The following ZNF12 variants were observed in gnomAD, a reference collection of about 807,000 sequenced individuals.
ZNF12 encodes the protein zinc finger protein 12.
A neutral mutation model predicts 66.6 loss-of-function variants in ZNF12; 34 were observed. The ratio of observed to expected loss-of-function variants is 0.51; its 90% CI spans 0.39 to 0.68. The LOEUF is 0.68. Among genes scored for constraint, ZNF12 ranks in the 30% least tolerant of loss-of-function variants. The probability of loss-of-function intolerance (pLI) is 0.00; values close to 1 mark genes in which losing one functional copy is unlikely to be tolerated. For synonymous variants in ZNF12, 320 were observed against 278.9 expected (o/e 1.15, Z -1.47); for missense variants, 697 against 826.9 (o/e 0.84, Z 1.93).
chr7:6,704,868 T>C (rs1208106979), intron 2 of ZNF12, among the ~76,000 whole-genome samples: 1 of 151,044 alleles, frequency 6.6e-6, no homozygotes, highest in Non-Finnish European at 1.5e-5. Context: ...AAAACAAAAG[T>C]GATTCTGCTT....
chr7:6,691,893 T>C lies in ZNF12; in HGVS notation c.1049A>G (p.Glu350Gly). The change falls in exon 5 of 5, where the codon GAG (glutamate) becomes GGG (glycine). Residue 350 changes from glutamate (E) to glycine (G), a missense_variant. By Grantham distance (98) the Glu-to-Gly change is moderately conservative (BLOSUM62 -2). Coordinates refer to ENST00000405858, the MANE Select transcript of ZNF12 (RefSeq NM_016265.4). ...ACAATAACTACATTCATAGGGCTTC[T>C]CTCCTGAGTGAGTTCTCTGATGCTG... ...LIQHQRTHSG[E>G]KPYECSYCGK... The C allele has an allele frequency of 6.2e-7, 1 of 1,614,156 alleles. No individual in the cohort carries two copies. The highest frequency in any genetic ancestry group is 8.5e-7 in the Non-Finnish European group (1 of 1,180,030).
intron 2 of ZNF12, among the ~76,000 whole-genome samples, chr7:6,699,043 AAATT>A (rs1403588106): frequency 1.8e-4 from 28 of 152,260 alleles, no homozygotes; most frequent in African/African-American, 6.8e-4. Flanking sequence ...TTAGGACAGA[AAATT>A]AACCATAAAA....
Position 6,698,151 on chromosome 7 carries a change from C to A in ZNF12, c.16-340G>T, listed in dbSNP as rs148146665. On this transcript the variant is annotated intron_variant, in intron 2 of 4. Coordinates refer to ENST00000405858, the MANE Select transcript of ZNF12 (RefSeq NM_016265.4). This position sits in a 1 kb window ranked among gnomAD's most constrained non-coding sequence, Gnocchi z 4.4. The stretch of plus-strand genomic sequence containing the variant: ...CAGAACCCCAGGATGCACTCTGCTT[C>A]TTTGCACATTCTTCAATTTGCTTCT... 1.0e-5 allele frequency: 5 copies of A among 478,376 alleles called. No individual in the cohort carries two copies. Among genetic ancestry groups the A allele is most frequent in the Non-Finnish European group, 1.6e-5 (4 of 250,810 alleles). The allele number at this position is 478,376 out of a possible 1,614,324, so 29.6% of individuals were successfully genotyped here.
rs779761846 is a variant in ZNF12 at position 6,692,170 on chromosome 7, C to T, written c.772G>A (p.Val258Ile). ...IAFLQMSDLT[V>I]HQTSHMEMKP... ...ATTTCCATATGAGATGTCTGATGTA[C>T]AGTGAGGTCCGACATCTGGAGAAAG... is the stretch of plus-strand genomic sequence containing the variant. The change falls in exon 5 of 5, where the codon GTA (valine) becomes ATA (isoleucine). Residue 258 changes from valine to isoleucine, a missense_variant. Transcript: ENST00000405858. The surrounding 1 kb of genome is among the most constrained non-coding windows in gnomAD (Gnocchi z 5.1). The T allele has an allele frequency of 3.7e-6, 6 of 1,614,042 alleles. No homozygotes were observed. Among genetic ancestry groups the T allele is most frequent in the Middle Eastern group, 1.6e-4 (1 of 6,084 alleles).
At position 6,692,525 on chromosome 7, in the gene ZNF12, G is replaced by C. The variant is rs547070193; in HGVS notation, c.417C>G (p.Leu139=). 2.5e-6 allele frequency: 4 copies of C among 1,613,640 alleles called. No individual in the cohort carries two copies. The highest frequency in any genetic ancestry group is 3.4e-6 in the Non-Finnish European group (4 of 1,179,800). ...PSRKIAYKNS[L]CDSCEKCLTS... ...TTAAACACTTTTCACATGAGTCACAGAGGCTATTTTTATAGGCTATTTTTC... is the reference window on the plus strand; with the variant it reads ...TTAAACACTTTTCACATGAGTCACACAGGCTATTTTTATAGGCTATTTTTC... Residue 139 remains leucine (L), a synonymous_variant, in exon 5 of 5, where the codon CTC becomes CTG. Coordinates refer to ENST00000405858, the MANE Select transcript of ZNF12 (RefSeq NM_016265.4). This position sits in a 1 kb window ranked among gnomAD's most constrained non-coding sequence, Gnocchi z 5.1.
In ZNF12 at chr7:6,705,064, T is replaced by G. The variant is rs1009878516; in HGVS notation, c.15+95A>C. On this transcript the variant is annotated intron_variant, in intron 2 of 4. Coordinates refer to ENST00000405858, the MANE Select transcript of ZNF12 (RefSeq NM_016265.4). The surrounding 1 kb of genome is among the most constrained non-coding windows in gnomAD (Gnocchi z 4.0). ...TGTCTGACCAAATCTTGTATCTATT[T>G]CTACTTTCCCATTTTAAACTTTGAA... 2.1e-6 allele frequency: 3 copies of G among 1,436,202 alleles called. No individual in the cohort carries two copies. The African/African-American group carries it at 4.3e-5, about 20-fold the overall frequency. The allele number at this position is 1,436,202 out of a possible 1,614,324, so 89.0% of individuals were successfully genotyped here.
chr7:6,705,305 G>T lies in ZNF12; in HGVS notation c.-50-82C>A. 9.6e-7 allele frequency: 1 copy of T among 1,038,476 alleles called. No homozygotes were observed. Among genetic ancestry groups the T allele is most frequent in the Non-Finnish European group, 1.4e-6 (1 of 696,112 alleles). 64.3% of individuals were successfully genotyped at this position (1,038,476 alleles called of 1,614,324 possible). A position where few individuals can be genotyped will look rare whatever the true frequency, so the allele number is the denominator to read the frequency against. ...TCATCTCCCGCCCAAAACCTACACA[G>T]AAAGTTCCAAGAAGTACATCTTGTG... On this transcript the variant is annotated intron_variant, in intron 1 of 4. Coordinates refer to ENST00000405858, the MANE Select transcript of ZNF12 (RefSeq NM_016265.4). This position sits in a 1 kb window ranked among gnomAD's most constrained non-coding sequence, Gnocchi z 4.0.
chr7:6,694,805 A>G (rs1053568857), intron 4 of ZNF12, among the ~76,000 whole-genome samples: 1 of 152,088 alleles, frequency 6.6e-6, no homozygotes, highest in Non-Finnish European at 1.5e-5. Flanking sequence ...CCTCAATTCC[A>G]TTTCCCCTTG....
rs1163144445 is a variant in ZNF12, at chr7:6,692,846, T to G, written c.239-143A>C. Reference sequence around the variant, plus strand: ...CAGATGAAAATAATTCCAAGTGTACTCTTCTCCTTTATGCTTTTGCTTAAA... The same window carrying G: ...CAGATGAAAATAATTCCAAGTGTACGCTTCTCCTTTATGCTTTTGCTTAAA... On this transcript the variant is annotated intron_variant, in intron 4 of 4. Transcript: ENST00000405858. The surrounding 1 kb of genome is among the most constrained non-coding windows in gnomAD (Gnocchi z 5.1). 1 of 765,226 alleles carries G rather than the reference T, an allele frequency of 1.3e-6. No homozygotes were observed. Among genetic ancestry groups the G allele is most frequent in the African/African-American group, 1.8e-5 (1 of 55,356 alleles). The allele number at this position is 765,226 out of a possible 1,614,324, so 47.4% of individuals were successfully genotyped here.
chr7:6,697,449 T>C lies in ZNF12; in HGVS notation c.143-15A>G, dbSNP rs1180649863. The C allele has an allele frequency of 1.2e-6, 2 of 1,606,682 alleles. No individual in the cohort carries two copies. The highest frequency in any genetic ancestry group is 2.7e-5 in the African/African-American group (2 of 74,794). The stretch of plus-strand genomic sequence containing the variant: ...AATGTGATACCCTGTTAATGAGAAA[T>C]GAAAGAGAACTTGAGCCCAGGCCGG... On this transcript the variant is annotated splice_polypyrimidine_tract_variant and intron_variant, in intron 3 of 4. Transcript: ENST00000405858. This position sits in a 1 kb window ranked among gnomAD's most constrained non-coding sequence, Gnocchi z 6.1.
At position 6,692,595 on chromosome 7, in the gene ZNF12, A is replaced by G. The variant is rs1232259766; in HGVS notation, c.347T>C (p.Val116Ala). The G allele has an allele frequency of 1.2e-6, 2 of 1,613,796 alleles. No homozygotes were observed. The highest frequency in any genetic ancestry group is 1.3e-5 in the African/African-American group (1 of 74,932). ...IETLIEERGNVPGKTFDVETN... is the reference protein window; with the variant it reads ...IETLIEERGNAPGKTFDVETN... ...TTCTACATCAAAAGTTTTACCAGGA[A>G]CATTACCTCTCTCTTCAATCAGGGT... Residue 116 changes from valine (V) to alanine (A), a missense_variant, in exon 5 of 5, where the codon GTT becomes GCT. Physicochemically the swap from Val to Ala is moderately conservative, Grantham distance 64. Around this residue, in one of 3 missense-constraint regions of ZNF12, gnomAD observed 241 missense variants for 224.0 expected, o/e 1.08. Coordinates refer to ENST00000405858, the MANE Select transcript of ZNF12 (RefSeq NM_016265.4). The surrounding 1 kb of genome is among the most constrained non-coding windows in gnomAD (Gnocchi z 5.1).
rs375707723 is a variant in ZNF12 at position 6,692,710 on chromosome 7, A to C, written c.239-7T>G. Reference sequence around the variant, plus strand: ...TCAGTTTGCCAGACTTCATCTAAAGAGAGACAAAATTAATAAACTTTTGTA... The same window carrying C: ...TCAGTTTGCCAGACTTCATCTAAAGCGAGACAAAATTAATAAACTTTTGTA... On this transcript the variant is annotated splice_polypyrimidine_tract_variant and splice_region_variant and intron_variant, in intron 4 of 4. Coordinates refer to ENST00000405858, the MANE Select transcript of ZNF12 (RefSeq NM_016265.4). The surrounding 1 kb of genome is among the most constrained non-coding windows in gnomAD (Gnocchi z 5.1). 4 of 1,550,958 alleles carry C rather than the reference A, an allele frequency of 2.6e-6. No homozygotes were observed. In the African/African-American group the frequency reaches 5.6e-5, roughly 22 times the overall value.
intron 2 of ZNF12, among the ~76,000 whole-genome samples, chr7:6,701,937 AG>A (rs761703008): frequency 5.2e-4 from 73 of 139,332 alleles, no homozygotes; most frequent in South Asian, 9.2e-4. Flanking sequence ...TTTTTCCTTT[AG>A]GGCAAAATTT....
rs370073750 is a variant in ZNF12, at chr7:6,697,791, G to A, written c.36C>T (p.Asp12=). The A allele has an allele frequency of 8.1e-5, 130 of 1,614,006 alleles. No homozygotes were observed. Among genetic ancestry groups the A allele is most frequent in the Admixed American group, 4.2e-4 (25 of 59,992 alleles). Residue 12 remains aspartate, a synonymous_variant, in exon 3 of 5, where the codon GAC becomes GAT. Transcript: ENST00000405858. The surrounding 1 kb of genome is among the most constrained non-coding windows in gnomAD (Gnocchi z 6.1). ...NKSLGPVSFK[D]VAVDFTQEEW... ...CCTCCTGGGTGAAGTCCACAGCCAC[G>A]TCCTTGAATGACACTGGCCCCTGAA...
chr7:6,700,288 G>C (rs1295371249), intron 2 of ZNF12, among the ~76,000 whole-genome samples: 2 of 105,598 alleles, frequency 1.9e-5, no homozygotes, highest in Non-Finnish European at 3.7e-5. Flanking sequence ...CCGTCTGAGA[G>C]GAAAAAAAAA....
chr7:6,698,647 C>G lies in ZNF12; in HGVS notation c.16-836G>C, dbSNP rs746369767. Among the ~76,000 whole-genome samples, 1 of 152,208 alleles carries G rather than the reference C, an allele frequency of 6.6e-6. No homozygotes were observed. Among genetic ancestry groups the G allele is most frequent in the Non-Finnish European group, 1.5e-5 (1 of 68,040 alleles). ...GAATGCAGCCTGTCACATGAATTAT[C>G]AGTAATAGCTTGGTTCAGGTTTTCC... On this transcript the variant is annotated intron_variant, in intron 2 of 4. Transcript: ENST00000405858. This position sits in a 1 kb window ranked among gnomAD's most constrained non-coding sequence, Gnocchi z 4.4.
At chr7:6,705,000 G>A (rs1394232548) in intron 2 of ZNF12, among the ~76,000 whole-genome samples, 159 bp downstream of exon 2, 3 of 152,182 alleles carry the variant, frequency 2.0e-5, no homozygotes, top group Non-Finnish European at 4.4e-5. Flanking sequence ...CTGCGCATAT[G>A]AATATGATAA....
At chr7:6,702,303 A>AACACACAC (rs35642461) in intron 2 of ZNF12, among the ~76,000 whole-genome samples, 53,682 of 122,710 alleles carry the variant, frequency 0.44, 11,156 homozygotes, top group East Asian at 0.61. Context: ...AAACTCCACA[A>AACACACAC]ACACACACAC....
rs1225908643 is a variant in ZNF12 at position 6,698,282 on chromosome 7, A to C, written c.16-471T>G. Among the ~76,000 whole-genome samples, 3 of 146,270 alleles carry C rather than the reference A, an allele frequency of 2.1e-5. No homozygotes were observed. Among genetic ancestry groups the C allele is most frequent in the African/African-American group, 2.5e-5 (1 of 39,514 alleles). On this transcript the variant is annotated intron_variant, in intron 2 of 4. Coordinates refer to ENST00000405858, the MANE Select transcript of ZNF12 (RefSeq NM_016265.4). The surrounding 1 kb of genome is among the most constrained non-coding windows in gnomAD (Gnocchi z 4.4). ...AAGTCATCCTGAATGTTGTGGGCCT[A>C]CGGCTGTCTTGAGTCTTTTTCTCTT...
Sources: gnomAD v4.1 joint callset for allele counts (sites outside exome capture counted in the v4.1 genomes callset) on GRCh38, gnomAD v4.1.1 for gene constraint, gnomAD v4.1.1 regional missense constraint, Gnocchi (gnomAD v3.1) non-coding constraint, MANE v1.5 for transcripts, NCBI Gene and HGNC (gene_info 2026-07-23, HGNC 2026-07-21) for gene names.